JTB: variants seen among roughly 807,000 people sequenced by gnomAD.
JTB encodes the protein jumping translocation breakpoint.
Under a neutral mutation model 22.1 loss-of-function variants are expected in JTB, and 10 were observed. That is an observed-to-expected ratio of 0.45 (90% CI 0.28 to 0.77). The LOEUF (loss-of-function observed/expected upper bound fraction) is 0.77, where lower values mean the gene tolerates loss of function less well. Among genes scored for constraint, JTB ranks in the 30% least tolerant of loss-of-function variants. JTB has a pLI of 0.13. For synonymous variants in JTB, 83 were observed against 66.8 expected, an observed-to-expected ratio of 1.24 and a Z score of -1.18; for missense variants, 137 against 180.3, an observed-to-expected ratio of 0.76 and a Z score of 1.38.
In JTB at chr1:153,974,780, C is replaced by G. The variant is rs147864355; in HGVS notation, c.340G>C (p.Val114Leu). 1.2e-6 allele frequency: 2 copies of G among 1,612,666 alleles called. No individual in the cohort carries two copies. The highest frequency in any genetic ancestry group is 1.3e-5 in the African/African-American group (1 of 74,898). Residue 114 changes from valine to leucine, a missense_variant, in exon 5 of 5, where the codon GTG becomes CTG. Physicochemically the swap from Val to Leu is conservative, Grantham distance 32. Coordinates refer to ENST00000271843, the MANE Select transcript of JTB (RefSeq NM_006694.4). ...RLFWKFEGAVVCVALIFACLV... is the reference protein window; with the variant it reads ...RLFWKFEGAVLCVALIFACLV... ...CAAGCGAAGATCAGGGCCACACACA[C>G]GACAGCCCCTTCGAACTTCCAAAAT... is the stretch of plus-strand genomic sequence containing the variant.
Position 153,977,281 on chromosome 1 carries a change from C to T in JTB, c.-29G>A, listed in dbSNP as rs1446460044. On this transcript the variant is annotated 5_prime_UTR_variant, in exon 1 of 5. Coordinates refer to ENST00000271843, the MANE Select transcript of JTB (RefSeq NM_006694.4). ...GCGCCAAGTGTCGCACCTGTCGGAA[C>T]AGAGGGACCTACTCCACAGGCCTCG... 2 of 1,612,402 alleles carry T rather than the reference C, an allele frequency of 1.2e-6. No homozygotes were observed. The highest frequency in any genetic ancestry group is 1.7e-5 in the Admixed American group (1 of 59,716).
chr1:153,977,073 C>G, intron 1 of JTB, 60 bp from the exon 2 acceptor site: 2 of 1,614,098 alleles, frequency 1.2e-6, no homozygotes, highest in Non-Finnish European at 1.7e-6. Context: ...GCACCCCCTC[C>G]TGCGCTGTCC....
Position 153,976,756 on chromosome 1 carries a change from T to G in JTB, c.141A>C (p.Pro47=), listed in dbSNP as rs769047845. 3.7e-6 allele frequency: 6 copies of G among 1,614,038 alleles called. No homozygotes were observed. In the African/African-American group the frequency reaches 8.0e-5, roughly 22 times the overall value. The part of the protein sequence containing the change: ...EKLSASTSNL[P]CWLVEEFVVA... The stretch of plus-strand genomic sequence containing the variant: ...CCACAAACTCTTCCACCAGCCAGCA[T>G]GGCAAATTTGAGGTGCTTGCTGAAA... The change falls in exon 3 of 5, where the codon CCA becomes CCC. Residue 47 remains proline (P), a synonymous_variant. Coordinates refer to ENST00000271843, the MANE Select transcript of JTB (RefSeq NM_006694.4).
At chr1:153,976,556 G>T in intron 3 of JTB, 137 bp downstream of exon 3, 1 of 711,786 alleles carries the variant, frequency 1.4e-6, no homozygotes, top group Non-Finnish European at 2.4e-6. Context: ...GTACAGATTT[G>T]GACATACACT....
chr1:153,977,566 G>C lies in JTB; in HGVS notation c.-314C>G. The C allele has an allele frequency of 9.0e-7, 1 of 1,108,542 alleles. No homozygotes were observed. Among genetic ancestry groups the C allele is most frequent in the Non-Finnish European group, 1.1e-6 (1 of 904,580 alleles). 68.7% of individuals were successfully genotyped at this position (1,108,542 alleles called of 1,614,324 possible). A position where few individuals can be genotyped will look rare whatever the true frequency, so the allele number is the denominator to read the frequency against. On this transcript the variant is annotated 5_prime_UTR_variant, in exon 1 of 5. Coordinates refer to ENST00000271843, the MANE Select transcript of JTB (RefSeq NM_006694.4). ...CACCTCCGCTCCCGCCCCCGACGCA[G>C]CCATCTAGCCCCGTGGAGGATCCTC...
intron 4 of JTB, 107 bp from the exon 5 acceptor site, chr1:153,974,942 G>A: frequency 9.2e-7 from 1 of 1,092,222 alleles, no homozygotes; most frequent in Admixed American, 2.4e-5. Flanking sequence ...GGAAATCAGA[G>A]CCAGGCTTCT....
At chr1:153,975,745 G>C (rs7527963) in intron 4 of JTB, 81 bp downstream of exon 4, 3 of 1,123,992 alleles carry the variant, frequency 2.7e-6, no homozygotes, top group Non-Finnish European at 4.0e-6. Context: ...GCTACCCCCA[G>C]ACCAGGGGAA....
intron 4 of JTB, 30 bp from the exon 5 acceptor site, chr1:153,974,865 A>G (rs1648729916): frequency 6.3e-7 from 1 of 1,585,934 alleles, no homozygotes; most frequent in Non-Finnish European, 8.6e-7. Context: ...GTTATTCCCA[A>G]GGAAGGCCAG....
Position 153,974,682 on chromosome 1 carries a change from T to A in JTB, c.438A>T (p.Ile146=). 4 of 1,612,092 alleles carry A rather than the reference T, an allele frequency of 2.5e-6. No homozygotes were observed. The highest frequency in any genetic ancestry group is 3.4e-6 in the Non-Finnish European group (4 of 1,178,248). ...AGGATACAAGGGTGGAATGTAGCTA[T>A]ATGGACTCGATTTGCTTCCGGACCT... ...LEKVRKQIES[I] is the part of the protein sequence containing the mutation. Residue 146 remains isoleucine (I), a synonymous_variant, in exon 5 of 5, where the codon ATA becomes ATT. Transcript: ENST00000271843.
Position 153,977,656 on chromosome 1 carries a change from T to C in JTB, c.-404A>G, listed in dbSNP as rs2102185739. On this transcript the variant is annotated 5_prime_UTR_variant, in exon 1 of 5. In the 5' UTR this introduces an upstream ATG that the reference lacks. Transcript: ENST00000271843. The stretch of plus-strand genomic sequence containing the variant: ...CGTTCGGTCGTCGCCCGCTGGGGCT[T>C]ATAGTCTTCCGCGTCGGTGGCGCCT... 1.0e-6 allele frequency: 1 copy of C among 995,104 alleles called. No homozygotes were observed. Among genetic ancestry groups the C allele is most frequent in the East Asian group, 1.1e-4 (1 of 9,286 alleles). The allele number at this position is 995,104 out of a possible 1,614,324, so 61.6% of individuals were successfully genotyped here.
intron 2 of JTB, 95 bp downstream of exon 2, chr1:153,976,881 G>A (rs1385612790): frequency 6.3e-7 from 1 of 1,599,690 alleles, no homozygotes; most frequent in African/African-American, 1.3e-5. Context: ...TCCATGTGGT[G>A]CCGGCCTTTT....
At chr1:153,975,930 A>G (rs772666276) in intron 3 of JTB, 25 bp from the exon 4 acceptor site, 4 of 1,559,274 alleles carry the variant, frequency 2.6e-6, no homozygotes, top group Non-Finnish European at 3.5e-6. Context: ...GGAGCAAAGT[A>G]CATGTTAGGA....
intron 3 of JTB, 127 bp from the exon 4 acceptor site, chr1:153,976,032 G>C: frequency 1.5e-6 from 1 of 677,972 alleles, no homozygotes; most frequent in Non-Finnish European, 2.6e-6. Flanking sequence ...GAGAGCTAAT[G>C]AAAGAGTTCT....
intron 3 of JTB, among the ~76,000 whole-genome samples, chr1:153,976,488 C>T (rs1648799057): frequency 1.3e-5 from 2 of 152,046 alleles, no homozygotes; most frequent in African/African-American, 2.4e-5. Context: ...CCATAGTTAT[C>T]AGTTGAATAC....
Position 153,977,222 on chromosome 1 carries a change from G to C in JTB, c.31C>G (p.Pro11Ala), listed in dbSNP as rs1557889568. The change falls in exon 1 of 5, where the codon CCC becomes GCC. Residue 11 changes from proline (P) to alanine (A), a missense_variant. By Grantham distance (27) the Pro-to-Ala change is conservative (BLOSUM62 -1). Transcript: ENST00000271843. ...AACCAGCAGAGGTGGCGGCCCTGGG[G>C]GAGGCCAGGCCTCCCGGCACCCGCA... Reference protein sequence around the residue: MLAGAGRPGLPQGRHLCWLLC... With the variant: MLAGAGRPGLAQGRHLCWLLC... 1.9e-6 allele frequency: 3 copies of C among 1,614,208 alleles called. No homozygotes were observed. The highest frequency in any genetic ancestry group is 2.5e-6 in the Non-Finnish European group (3 of 1,180,040).
chr1:153,976,617 A>C, intron 3 of JTB, 76 bp downstream of exon 3: 1 of 1,210,492 alleles, frequency 8.3e-7, no homozygotes, highest in Non-Finnish European at 1.2e-6. Flanking sequence ...GCTTAATAAG[A>C]CTTGGATGTT....
chr1:153,975,581 A>T (rs374319554), intron 4 of JTB, among the ~76,000 whole-genome samples: 1 of 151,564 alleles, frequency 6.6e-6, no homozygotes, highest in Non-Finnish European at 1.5e-5. Flanking sequence ...CCACCACACC[A>T]GCTAATTTTT....
Position 153,977,028 on chromosome 1 carries a change from G to A in JTB, c.84-15C>T, listed in dbSNP as rs1190136832. The A allele has an allele frequency of 6.2e-7, 1 of 1,614,172 alleles. No individual in the cohort carries two copies. The highest frequency in any genetic ancestry group is 1.7e-5 in the Admixed American group (1 of 60,012). On this transcript the variant is annotated splice_polypyrimidine_tract_variant and intron_variant, in intron 1 of 4. Coordinates refer to ENST00000271843, the MANE Select transcript of JTB (RefSeq NM_006694.4). The stretch of plus-strand genomic sequence containing the variant: ...CCTCTGCTTGGCTGTAGCGGAGTTG[G>A]GGGAAGGGACAAAAGTCAAAACCCA...
At position 153,974,303 on chromosome 1, in the gene JTB, G is replaced by A; in HGVS notation, c.*376C>T. The A allele has an allele frequency of 2.1e-6, 1 of 485,546 alleles. No homozygotes were observed. Among genetic ancestry groups the A allele is most frequent in the Non-Finnish European group, 3.7e-6 (1 of 273,560 alleles). 30.1% of individuals were successfully genotyped at this position (485,546 alleles called of 1,614,324 possible). ...GTATCTGTGATTTTATTTCTTCTTT[G>A]GGTATAGGGTTGAGGGGAAATAAGT... On this transcript the variant is annotated 3_prime_UTR_variant, in exon 5 of 5. Coordinates refer to ENST00000271843, the MANE Select transcript of JTB (RefSeq NM_006694.4).
Sources: allele counts gnomAD v4.1 joint callset (sites outside exome capture counted in the v4.1 genomes callset), GRCh38; gene constraint gnomAD v4.1.1; transcripts MANE v1.5; gene names NCBI Gene and HGNC (gene_info 2026-07-23, HGNC 2026-07-21).